Variants in ATP8A2 observed in about 807,000 individuals in gnomAD.
The protein encoded by ATP8A2 is phospholipid-transporting ATPase IB.
A neutral mutation model predicts 165.6 loss-of-function variants in ATP8A2; 100 were observed. The observed-to-expected ratio is 0.60, with a 90% CI of 0.51 to 0.71. The LOEUF (loss-of-function observed/expected upper bound fraction) is 0.71. ATP8A2 is among the 30% of genes least tolerant of loss of function. ATP8A2 has a pLI of 0.00. For synonymous variants in ATP8A2, 543 were observed against 548.8 expected, an observed-to-expected ratio of 0.99 and a Z score of 0.15; for missense variants, 1,227 against 1,479.5, an observed-to-expected ratio of 0.83 and a Z score of 2.80.
intron 33 of ATP8A2, among the ~76,000 whole-genome samples, chr13:25,931,813 G>A (rs1954775103): frequency 2.0e-5 from 3 of 152,084 alleles, no homozygotes; most frequent in African/African-American, 4.8e-5. Context: ...TTGGGAGGCC[G>A]AGGCGGGCGT....
intron 33 of ATP8A2, among the ~76,000 whole-genome samples, chr13:25,899,693 T>C (rs1451007434): frequency 6.6e-6 from 1 of 152,080 alleles, no homozygotes. Flanking sequence ...AGGAAGGGGT[T>C]GGTGCAGGGG....
rs1159258741 is a variant in ATP8A2, at chr13:26,010,935, CT to C, written c.3378-1594del. Among the ~76,000 whole-genome samples the C allele has an allele frequency of 3.3e-5, 5 of 152,316 alleles. No individual in the cohort carries two copies. In the South Asian group the frequency reaches 1.0e-3, roughly 32 times the overall value. ...CCCTCTCCTGGAAATTCAAAATGAA[CT>C]TCAGCTCAAAGAACTGTGAAGAAGA... On this transcript the variant is annotated intron_variant, in intron 35 of 36. Coordinates refer to ENST00000381655, the MANE Select transcript of ATP8A2 (RefSeq NM_016529.6).
At chr13:25,699,762 T>C (rs143999962) in intron 25 of ATP8A2, among the ~76,000 whole-genome samples, 2 of 152,246 alleles carry the variant, frequency 1.3e-5, no homozygotes, top group East Asian at 3.9e-4. Context: ...AAGGAGGAGC[T>C]TTGGTCGGGT....
intron 23 of ATP8A2, among the ~76,000 whole-genome samples, chr13:25,588,473 G>T (rs1271305073): frequency 3.9e-5 from 6 of 152,124 alleles, no homozygotes; most frequent in Admixed American, 2.6e-4. Flanking sequence ...CGTCTTCTTT[G>T]CTAGCCACGT....
intron 1 of ATP8A2, among the ~76,000 whole-genome samples, chr13:25,408,391 CA>C (rs34751522): frequency 0.051 from 7,429 of 145,958 alleles, 590 homozygotes; most frequent in African/African-American, 0.17. Context: ...GACTCCGTCT[CA>C]AAAAAAAAAA....
At chr13:25,843,146 G>T (rs1226990507) in intron 30 of ATP8A2, among the ~76,000 whole-genome samples, 1 of 152,174 alleles carries the variant, frequency 6.6e-6, no homozygotes, top group South Asian at 2.1e-4. Flanking sequence ...AGGAGTAGGG[G>T]GTGGTCACAT....
intron 33 of ATP8A2, among the ~76,000 whole-genome samples, chr13:25,893,161 T>A (rs1034214707): frequency 2.6e-5 from 4 of 151,046 alleles, no homozygotes; most frequent in Non-Finnish European, 4.4e-5. Flanking sequence ...TAACTCGTCA[T>A]TTAGCATTAG....
rs554786622 is a variant in ATP8A2, at chr13:25,493,547, G to T, written c.221+24426G>T. Among the ~76,000 whole-genome samples the T allele has an allele frequency of 4.6e-5, 7 of 152,244 alleles. No homozygotes were observed. The South Asian group carries it at 1.5e-3, about 32-fold the overall frequency. ...CTGTGGGATTACTAAACATATGCGG[G>T]AACCGGAAGTGAAGACATCAGTTGT... On this transcript the variant is annotated intron_variant, in intron 2 of 36. Coordinates refer to ENST00000381655, the MANE Select transcript of ATP8A2 (RefSeq NM_016529.6).
At chr13:25,531,374 G>GA (rs1470349405) in intron 4 of ATP8A2, among the ~76,000 whole-genome samples, 27 of 94,402 alleles carry the variant, frequency 2.9e-4, no homozygotes, top group African/African-American at 7.8e-4. Context: ...ATATATATAT[G>GA]TTATATATAT....
intron 30 of ATP8A2, among the ~76,000 whole-genome samples, chr13:25,845,995 G>T (rs1229258387): frequency 6.6e-6 from 1 of 152,136 alleles, no homozygotes; most frequent in Non-Finnish European, 1.5e-5. Flanking sequence ...GACCAACATG[G>T]TGAAACCCCA....
At chr13:25,722,241 G>C (rs1484895566) in intron 25 of ATP8A2, among the ~76,000 whole-genome samples, 2 of 152,168 alleles carry the variant, frequency 1.3e-5, no homozygotes, top group African/African-American at 4.8e-5. Context: ...CTGCTCCTTA[G>C]TAGCCTCCTC....
At chr13:25,836,108 CAGGTAAACTGGGCCCTTTCTGGTGCCT>C (rs1951596444) in intron 28 of ATP8A2, among the ~76,000 whole-genome samples, 1 of 152,194 alleles carries the variant, frequency 6.6e-6, no homozygotes, top group Admixed American at 6.5e-5. Flanking sequence ...CATGCTGCCT[CAGGTAAACTGGGCCCTTTCTGGTGCCT>C]AGGTAAACTG....
At chr13:25,512,877 A>C (rs1168635887) in intron 2 of ATP8A2, among the ~76,000 whole-genome samples, 9 of 101,900 alleles carry the variant, frequency 8.8e-5, no homozygotes, top group Admixed American at 2.1e-4. Flanking sequence ...GGCGCCCCTC[A>C]CCTCCCGGAC....
intron 24 of ATP8A2, among the ~76,000 whole-genome samples, chr13:25,635,165 G>A (rs61947491): frequency 0.12 from 18,976 of 152,194 alleles, 1,353 homozygotes; most frequent in Admixed American, 0.2. Flanking sequence ...GTCTCATGAA[G>A]CATGACCCGT....
At chr13:25,800,535 A>G (rs886940296) in intron 27 of ATP8A2, among the ~76,000 whole-genome samples, 2 of 152,144 alleles carry the variant, frequency 1.3e-5, no homozygotes, top group South Asian at 2.1e-4. Flanking sequence ...ACTCATTTTG[A>G]CTTTAAAGGA....
chr13:26,016,718 G>A (rs924678428), intron 36 of ATP8A2, among the ~76,000 whole-genome samples: 3 of 152,126 alleles, frequency 2.0e-5, no homozygotes, highest in Non-Finnish European at 2.9e-5. Context: ...TTTTTGGATG[G>A]ACTGTTGACA....
chr13:25,973,658 C>T (rs1033701330), intron 35 of ATP8A2, among the ~76,000 whole-genome samples: 10 of 152,308 alleles, frequency 6.6e-5, no homozygotes, highest in South Asian at 2.1e-4. Context: ...TGATCTTTAA[C>T]GGAAATCCTT....
intron 27 of ATP8A2, among the ~76,000 whole-genome samples, chr13:25,808,920 C>G (rs894109881): frequency 1.3e-5 from 2 of 152,008 alleles, no homozygotes; most frequent in South Asian, 2.1e-4. Flanking sequence ...GAGAGGTTTT[C>G]CACAGAGCTG....
At chr13:25,768,080 G>T (rs1422630699) in intron 25 of ATP8A2, among the ~76,000 whole-genome samples, 2 of 138,806 alleles carry the variant, frequency 1.4e-5, no homozygotes, top group East Asian at 2.2e-4. Flanking sequence ...GTGGCGTGGG[G>T]GGGGGGTGGT....
Sources: gnomAD v4.1 joint callset for allele counts (sites outside exome capture counted in the v4.1 genomes callset) on GRCh38, gnomAD v4.1.1 for gene constraint, MANE v1.5 for transcripts, NCBI Gene and HGNC (gene_info 2026-07-23, HGNC 2026-07-21) for gene names.